The following PRSS55 variants were observed in gnomAD, a reference collection of about 807,000 sequenced individuals.
PRSS55 encodes the protein serine protease 55.
Under a neutral mutation model 23.6 loss-of-function variants are expected in PRSS55, and 41 were observed. The observed-to-expected ratio is 1.74, with a 90% CI of 1.35 to 2.26. The LOEUF (loss-of-function observed/expected upper bound fraction) is 2.26, where lower values mean the gene tolerates loss of function less well. PRSS55 is among the 30% of genes most tolerant of loss of function. The pLI is 0.00. For synonymous variants in PRSS55, 262 were observed against 175.5 expected, an observed-to-expected ratio of 1.49 and a Z score of -3.90; for missense variants, 669 against 439.1, an observed-to-expected ratio of 1.52 and a Z score of -4.68.
At chr8:10,533,493 A>C (rs1212580120) in intron 4 of PRSS55, among the ~76,000 whole-genome samples, 4 of 152,214 alleles carry the variant, frequency 2.6e-5, no homozygotes, top group Non-Finnish European at 5.9e-5. Context: ...CAGTGGATAA[A>C]CAAACAATGA....
At chr8:10,525,766 G>A in intron 1 of PRSS55, 27 bp downstream of exon 1, 1 of 1,563,780 alleles carries the variant, frequency 6.4e-7, no homozygotes, top group South Asian at 1.2e-5. Flanking sequence ...AAGGGGCATG[G>A]ATGGGGGCTC....
At position 10,529,267 on chromosome 8, in the gene PRSS55, T is replaced by C. The variant is rs190342085; in HGVS notation, c.155-240T>C. 1,356 of 571,246 alleles carry C rather than the reference T, an allele frequency of 2.4e-3. 3 individuals are homozygous for C. Among genetic ancestry groups the C allele is most frequent in the Middle Eastern group, 5.7e-3 (12 of 2,110 alleles). The allele number at this position is 571,246 out of a possible 1,614,324, so 35.4% of individuals were successfully genotyped here. A position where few individuals can be genotyped will look rare whatever the true frequency, so the allele number is the denominator to read the frequency against. ...CTCTCCTGAGGTCACAAATGCTGGA[T>C]AGAGTCAGAGCCAATGCTTCTGACT... On this transcript the variant is annotated intron_variant, in intron 1 of 4. Coordinates refer to ENST00000328655, the MANE Select transcript of PRSS55 (RefSeq NM_198464.4).
intron 4 of PRSS55, among the ~76,000 whole-genome samples, chr8:10,544,217 AT>A (rs1812752103): frequency 6.6e-6 from 1 of 152,082 alleles, no homozygotes; most frequent in Non-Finnish European, 1.5e-5. Flanking sequence ...AGATGCACGT[AT>A]GTTTACAGTT....
chr8:10,537,934 A>G (rs1372642291), intron 4 of PRSS55, among the ~76,000 whole-genome samples: 1 of 152,140 alleles, frequency 6.6e-6, no homozygotes, highest in East Asian at 1.9e-4. Flanking sequence ...CTCAACATAA[A>G]TGGATAACTA....
intron 4 of PRSS55, among the ~76,000 whole-genome samples, chr8:10,552,811 C>A (rs1392066393): frequency 2.6e-5 from 4 of 152,062 alleles, no homozygotes; most frequent in African/African-American, 9.7e-5. Context: ...TGTTTGTACT[C>A]CATTGGTAGG....
In PRSS55 at chr8:10,538,630, C is replaced by G. The variant is rs781716467; in HGVS notation, c.896C>G (p.Thr299Ser). ...VNYNLWIEKV[T>S]QLEGRPFNAE... ...TACAACCTCTGGATCGAGAAAGTGA[C>G]CCAGCTAGAGGGCAGGCCCTTCAAT... The change falls in exon 5 of 5, where the codon ACC becomes AGC. Residue 299 changes from threonine to serine, a missense_variant. Thr to Ser is a moderately conservative substitution (Grantham distance 58, BLOSUM62 1). Coordinates refer to ENST00000328655, the MANE Select transcript of PRSS55 (RefSeq NM_198464.4). The G allele has an allele frequency of 6.2e-7, 1 of 1,614,140 alleles. No individual in the cohort carries two copies. The highest frequency in any genetic ancestry group is 8.5e-7 in the Non-Finnish European group (1 of 1,180,012).
chr8:10,530,719 A>C (rs1346089820), intron 2 of PRSS55, among the ~76,000 whole-genome samples: 1 of 152,130 alleles, frequency 6.6e-6, no homozygotes, highest in Non-Finnish European at 1.5e-5. Context: ...TTAGAAGGTT[A>C]ATCAAAAACC....
chr8:10,542,066 C>T (rs759066163), downstream of PRSS55, among the ~76,000 whole-genome samples: 2 of 152,216 alleles, frequency 1.3e-5, no homozygotes, highest in Non-Finnish European at 2.9e-5. Context: ...CATTAAGTCA[C>T]CGCACCTGGC....
At chr8:10,552,190 G>T (rs749306371) in intron 4 of PRSS55, among the ~76,000 whole-genome samples, 1 of 152,224 alleles carries the variant, frequency 6.6e-6, no homozygotes, top group Non-Finnish European at 1.5e-5. Context: ...CCATTTGACT[G>T]AAAGCAGAGA....
In PRSS55 at chr8:10,529,699, T is replaced by G; in HGVS notation, c.347T>G (p.Phe116Cys). ...CACTGCTTATATTCCGAGGAGCTGT[T>G]GTAAGTACCATGGGCCTCCCACTGC... Reference protein sequence around the residue: ...AAHCLYSEELFPEELSVVLGT... With the variant: ...AAHCLYSEELCPEELSVVLGT... Residue 116 changes from phenylalanine (F) to cysteine (C), a missense_variant and splice_region_variant, in exon 2 of 5, where the codon TTT (phenylalanine) becomes TGT (cysteine). Coordinates refer to ENST00000328655, the MANE Select transcript of PRSS55 (RefSeq NM_198464.4). 1 of 1,611,106 alleles carries G rather than the reference T, an allele frequency of 6.2e-7. No individual in the cohort carries two copies. The highest frequency in any genetic ancestry group is 8.5e-7 in the Non-Finnish European group (1 of 1,177,592).
rs550455663 is a variant in PRSS55 at position 10,529,591 on chromosome 8, C to T, written c.239C>T (p.Pro80Leu). 65 of 1,614,168 alleles carry T rather than the reference C, an allele frequency of 4.0e-5. No homozygotes were observed. The South Asian group carries it at 5.4e-4, about 13-fold the overall frequency. Reference sequence around the variant, plus strand: ...ATGGAGGCGGAGGTGGGTGAGTTTCCGTGGCAGGTGAGTATTCAGGCAAGA... The same window carrying T: ...ATGGAGGCGGAGGTGGGTGAGTTTCTGTGGCAGGTGAGTATTCAGGCAAGA... ...GGMEAEVGEF[P>L]WQVSIQARSE... Residue 80 changes from proline to leucine, a missense_variant, in exon 2 of 5, where the codon CCG (proline) becomes CTG (leucine). By Grantham distance (98) the Pro-to-Leu change is moderately conservative. Coordinates refer to ENST00000328655, the MANE Select transcript of PRSS55 (RefSeq NM_198464.4).
intron 4 of PRSS55, among the ~76,000 whole-genome samples, chr8:10,544,435 C>A (rs1197400041): frequency 6.6e-6 from 1 of 152,094 alleles, no homozygotes; most frequent in Non-Finnish European, 1.5e-5. Flanking sequence ...CTGTAGACAA[C>A]ACATAGAACT....
chr8:10,530,089 T>C (rs1024219209), intron 2 of PRSS55, among the ~76,000 whole-genome samples: 53 of 152,226 alleles, frequency 3.5e-4, no homozygotes, highest in African/African-American at 1.2e-3. Context: ...CTCCTGCTCC[T>C]TGTAGAGCGT....
chr8:10,538,931 C>T (rs1812556225), downstream of PRSS55: 2 of 862,170 alleles, frequency 2.3e-6, no homozygotes, highest in Non-Finnish European at 3.4e-6. Context: ...CACCCTGGGT[C>T]CCTGGTTTGG....
intron 4 of PRSS55, among the ~76,000 whole-genome samples, chr8:10,536,564 C>T (rs1812460356): frequency 6.6e-6 from 1 of 152,130 alleles, no homozygotes; most frequent in African/African-American, 2.4e-5. Context: ...CACATGCATG[C>T]ATATGTTCGT....
chr8:10,535,996 C>T (rs1812440254), intron 4 of PRSS55, among the ~76,000 whole-genome samples: 2 of 152,184 alleles, frequency 1.3e-5, no homozygotes, highest in Admixed American at 6.5e-5. Context: ...ACCATCCTGG[C>T]TAACACGGTG....
At chr8:10,538,883 G>T (rs746154483), downstream of PRSS55, 7 of 1,327,258 alleles carry the variant, frequency 5.3e-6, no homozygotes, top group Non-Finnish European at 7.1e-6. Flanking sequence ...AGGGCTCAAG[G>T]ATGGAAATTG....
At chr8:10,540,262 A>G (rs1220571826), downstream of PRSS55, 9 of 152,308 alleles carry the variant, frequency 5.9e-5, no homozygotes, top group Admixed American at 5.9e-4. Context: ...ATGTAGACCC[A>G]GCGCTGCCGC....
intron 4 of PRSS55, among the ~76,000 whole-genome samples, chr8:10,545,350 AT>A (rs1271722172): frequency 1.7e-4 from 26 of 152,262 alleles, no homozygotes; most frequent in African/African-American, 6.3e-4. Flanking sequence ...AGTGTGCACC[AT>A]CATGCCTGGC....
Sources: allele counts gnomAD v4.1 joint callset (sites outside exome capture counted in the v4.1 genomes callset), GRCh38; gene constraint gnomAD v4.1.1; transcripts MANE v1.5; gene names NCBI Gene and HGNC (gene_info 2026-07-23, HGNC 2026-07-21).